Variants in SLC52A1 observed in about 807,000 individuals in gnomAD.
SLC52A1 encodes solute carrier family 52, riboflavin transporter, member 1.
Under a neutral mutation model 23.2 loss-of-function variants are expected in SLC52A1, and 20 were observed. The ratio of observed to expected loss-of-function variants is 0.86; its 90% CI spans 0.61 to 1.25. The LOEUF (loss-of-function observed/expected upper bound fraction) is 1.25, where lower values mean the gene tolerates loss of function less well. Ranked by LOEUF, SLC52A1 falls within the 50% of genes most tolerant of loss-of-function variation. The pLI, the probability that SLC52A1 is intolerant of heterozygous loss-of-function variation, is 0.00. For missense variants in SLC52A1, 528 were observed against 557.0 expected, an observed-to-expected ratio of 0.95 and a Z score of 0.52; for synonymous variants, 260 against 256.6, an observed-to-expected ratio of 1.01 and a Z score of -0.13.
In SLC52A1 at chr17:5,033,372, C is replaced by T. The variant is rs375892458; in HGVS notation, c.1023G>A (p.Gly341=). 49 of 1,614,014 alleles carry T rather than the reference C, an allele frequency of 3.0e-5. No homozygotes were observed. The highest frequency in any genetic ancestry group is 3.9e-5 in the Non-Finnish European group (46 of 1,180,008). ...AMGVLCRSLA[G]LVGLSLLGML... Reference sequence around the variant, plus strand: ...TGCCCAGCAGAGAAAGACCAACCAGCCCTGCCAGGGACCTGTTGGGGATGA... The same window carrying T: ...TGCCCAGCAGAGAAAGACCAACCAGTCCTGCCAGGGACCTGTTGGGGATGA... Residue 341 remains glycine, a synonymous_variant, in exon 4 of 5, where the codon GGG becomes GGA. Coordinates refer to ENST00000254853, the MANE Select transcript of SLC52A1 (RefSeq NM_017986.4).
chr17:5,037,255 C>A (rs1437449145), upstream of SLC52A1, among the ~76,000 whole-genome samples: 1 of 152,208 alleles, frequency 6.6e-6, no homozygotes, highest in Admixed American at 6.5e-5. Context: ...CGTGGTGGCT[C>A]ACGCCTGTAA....
At chr17:5,036,403 C>CT (rs34031349), upstream of SLC52A1, among the ~76,000 whole-genome samples, 6,104 of 59,124 alleles carry the variant, frequency 0.1, 1,640 homozygotes, top group East Asian at 0.36. Flanking sequence ...CTAATTTTTG[C>CT]TTTTTTTTTT....
In SLC52A1 at chr17:5,033,129, A is replaced by C; in HGVS notation, c.1175T>G (p.Val392Gly). 6.2e-7 allele frequency: 1 copy of C among 1,613,854 alleles called. No homozygotes were observed. ...WVLCLCVFSY[V>G]KVAASSLLHG... ...CAGCAGGGAGCTTGCAGCCACCTTC[A>C]CATATGAGAACACACACAGACACAG... The change falls in exon 5 of 5, where the codon GTG becomes GGG. Residue 392 changes from valine (V) to glycine (G), a missense_variant. Coordinates refer to ENST00000254853, the MANE Select transcript of SLC52A1 (RefSeq NM_017986.4).
chr17:5,033,983 C>A lies in SLC52A1; in HGVS notation c.506G>T (p.Arg169Leu). Residue 169 changes from arginine to leucine, a missense_variant, in exon 3 of 5, where the codon CGC (arginine) becomes CTC (leucine). Physicochemically the swap from Arg to Leu is moderately radical, Grantham distance 102 (BLOSUM62 -2). Coordinates refer to ENST00000254853, the MANE Select transcript of SLC52A1 (RefSeq NM_017986.4). ...CVLALVQGVG[R>L]LECPPAPTNG... ...GGTGGGCGCTGGTGGGCACTCGAGG[C>A]GGCCCACACCTTGCACTAGGGCCAG... The A allele has an allele frequency of 6.2e-7, 1 of 1,613,910 alleles. No homozygotes were observed. Among genetic ancestry groups the A allele is most frequent in the Non-Finnish European group, 8.5e-7 (1 of 1,179,874 alleles).
rs1386012219 is a variant in SLC52A1, at chr17:5,034,707, C to T, written c.-101G>A. 3 of 1,490,390 alleles carry T rather than the reference C, an allele frequency of 2.0e-6. No homozygotes were observed. Among genetic ancestry groups the T allele is most frequent in the Non-Finnish European group, 2.7e-6 (3 of 1,109,370 alleles). 92.3% of individuals were successfully genotyped at this position (1,490,390 alleles called of 1,614,324 possible). ...TTTGGTTCTTCTGGAAACTGAAGAC[C>T]TTCTAGCTGGAGGGAAACAGACAGG... On this transcript the variant is annotated 5_prime_UTR_variant, in exon 2 of 5. Transcript: ENST00000254853.
upstream of SLC52A1, among the ~76,000 whole-genome samples, chr17:5,039,346 A>G (rs1014469959): frequency 6.6e-6 from 1 of 151,588 alleles, no homozygotes; most frequent in Non-Finnish European, 1.5e-5. Context: ...AAATTCAGTC[A>G]CTTGTCCAAC....
chr17:5,033,772 T>C lies in SLC52A1; in HGVS notation c.717A>G (p.Gly239=), dbSNP rs142480426. The C allele has an allele frequency of 9.9e-6, 16 of 1,613,992 alleles. No individual in the cohort carries two copies. Among genetic ancestry groups the C allele is most frequent in the East Asian group, 2.2e-5 (1 of 44,880 alleles). The change falls in exon 3 of 5, where the codon GGA becomes GGG. Residue 239 remains glycine, a synonymous_variant. Coordinates refer to ENST00000254853, the MANE Select transcript of SLC52A1 (RefSeq NM_017986.4). ...SGPELQLGSP[G]AEEEEKEEEE... is the part of the protein sequence containing the mutation. ...CTTCCTCCTTCTCTTCCTCCTCTGC[T>C]CCTGGGGATCCCAGTTGAAGTTCAG...
At chr17:5,041,047 G>A (rs542825487) in intron 1 of SLC52A1, among the ~76,000 whole-genome samples, 6 of 151,712 alleles carry the variant, frequency 4.0e-5, no homozygotes, top group Non-Finnish European at 8.8e-5. Context: ...CACCCGCCTC[G>A]GCCTCCCAAA....
chr17:5,039,469 C>T (rs1050119447), upstream of SLC52A1, among the ~76,000 whole-genome samples: 1 of 152,108 alleles, frequency 6.6e-6, no homozygotes, highest in African/African-American at 2.4e-5. Flanking sequence ...CACCCTGCCA[C>T]TGCCTATCTG....
In SLC52A1 at chr17:5,035,087, C is replaced by T. The variant is rs1428817848; in HGVS notation, c.-334G>A. ...CTTTGGGAAGCTGAGGAAGGCAGAT[C>T]GCCTGAGGTCAGGAGATTGAGACCA... On this transcript the variant is annotated 5_prime_UTR_variant, in exon 1 of 5. Coordinates refer to ENST00000254853, the MANE Select transcript of SLC52A1 (RefSeq NM_017986.4). 1.8e-5 allele frequency: 3 copies of T among 164,990 alleles called. No individual in the cohort carries two copies. The highest frequency in any genetic ancestry group is 4.8e-5 in the African/African-American group (2 of 41,834). 10.2% of individuals were successfully genotyped at this position (164,990 alleles called of 1,614,324 possible). A position where few individuals can be genotyped will look rare whatever the true frequency, so the allele number is the denominator to read the frequency against.
rs756642823 is a variant in SLC52A1, at chr17:5,034,476, C to A, written c.130+1G>T. The A allele has an allele frequency of 4.3e-6, 7 of 1,614,240 alleles. No homozygotes were observed. Among genetic ancestry groups the A allele is most frequent in the Non-Finnish European group, 5.9e-6 (7 of 1,180,032 alleles). ...CTTCCCTGTACCTCCCTCCCACTCACCCTCTGGAAGGTCTTTTACCACCAC... is the reference window on the plus strand; with the variant it reads ...CTTCCCTGTACCTCCCTCCCACTCAACCTCTGGAAGGTCTTTTACCACCAC... On this transcript the variant is annotated splice_donor_variant, in intron 2 of 4. Transcript: ENST00000254853. LOFTEE classifies it high-confidence loss of function.
rs1451636297 is a variant in SLC52A1, at chr17:5,033,039, C to T, written c.1265G>A (p.Gly422Asp). The part of the protein sequence containing the change: ...GVAIQVGSLL[G>D]AGAMFPPTSI... ...GGTGGGAGGGAACATGGCACCGGCA[C>T]CAAGCAGGGAGCCCACTTGGATGGC... Residue 422 changes from glycine to aspartate, a missense_variant, in exon 5 of 5, where the codon GGT (glycine) becomes GAT (aspartate). Coordinates refer to ENST00000254853, the MANE Select transcript of SLC52A1 (RefSeq NM_017986.4). 1 of 1,613,668 alleles carries T rather than the reference C, an allele frequency of 6.2e-7. No homozygotes were observed. Among genetic ancestry groups the T allele is most frequent in the South Asian group, 1.1e-5 (1 of 91,080 alleles).
At position 5,034,522 on chromosome 17, in the gene SLC52A1, C is replaced by T. The variant is rs199742635; in HGVS notation, c.85G>A (p.Gly29Arg). Residue 29 changes from glycine (G) to arginine (R), a missense_variant, in exon 2 of 5, where the codon GGG becomes AGG. Transcript: ENST00000254853. ...FGMGSWAAVN[G>R]IWVELPVVVK... Reference sequence around the variant, plus strand: ...ACCACAGGCAGCTCCACCCAGATCCCGTTCACAGCAGCCCAGGAGCCCATG... The same window carrying T: ...ACCACAGGCAGCTCCACCCAGATCCTGTTCACAGCAGCCCAGGAGCCCATG... 2.0e-5 allele frequency: 33 copies of T among 1,614,210 alleles called. No individual in the cohort carries two copies. The highest frequency in any genetic ancestry group is 2.6e-5 in the Non-Finnish European group (31 of 1,180,034).
upstream of SLC52A1, among the ~76,000 whole-genome samples, chr17:5,035,681 GT>G (rs373073872): frequency 2.0e-5 from 3 of 152,118 alleles, no homozygotes; most frequent in African/African-American, 4.8e-5. Flanking sequence ...GGGTTTTGTT[GT>G]TTGTTGTTTT....
upstream of SLC52A1, among the ~76,000 whole-genome samples, chr17:5,037,743 C>A (rs960639116): frequency 6.6e-6 from 1 of 152,040 alleles, no homozygotes; most frequent in African/African-American, 2.4e-5. Flanking sequence ...TGTACGTTTG[C>A]GCGGAGGAGG....
rs757674358 is a variant in SLC52A1, at chr17:5,033,569, G to A, written c.920C>T (p.Pro307Leu). Residue 307 changes from proline to leucine, a missense_variant, in exon 3 of 5, where the codon CCC (proline) becomes CTC (leucine). By Grantham distance (98) the Pro-to-Leu change is moderately conservative (BLOSUM62 -3). Transcript: ENST00000254853. ...CAGGTGGTAGGCCAGGCGCCCATAG[G>A]GCAAACAGGAAAAGCTCTGCACAGA... ...LPSVQSFSCL[P>L]YGRLAYHLAV... 6 of 1,613,920 alleles carry A rather than the reference G, an allele frequency of 3.7e-6. No individual in the cohort carries two copies. Among genetic ancestry groups the A allele is most frequent in the Non-Finnish European group, 5.1e-6 (6 of 1,180,000 alleles).
At chr17:5,040,183 CTTTTTTT>C (rs34556684), upstream of SLC52A1, among the ~76,000 whole-genome samples, 4,547 of 151,840 alleles carry the variant, frequency 0.03, 210 homozygotes, top group African/African-American at 0.1. Flanking sequence ...TCTTTTCCTT[CTTTTTTT>C]TGAGACAGGG....
At chr17:5,035,540 G>A (rs1449749970), upstream of SLC52A1, 3 of 152,198 alleles carry the variant, frequency 2.0e-5, no homozygotes, top group Admixed American at 1.3e-4. Context: ...GGGGCATCCC[G>A]GGAGCCGCCA....
In SLC52A1 at chr17:5,034,499, C is replaced by G; in HGVS notation, c.108G>C (p.Val36=). The G allele has an allele frequency of 6.2e-7, 1 of 1,614,244 alleles. No individual in the cohort carries two copies. The highest frequency in any genetic ancestry group is 8.5e-7 in the Non-Finnish European group (1 of 1,180,050). The change falls in exon 2 of 5, where the codon GTG becomes GTC. Residue 36 remains valine, a synonymous_variant. Transcript: ENST00000254853. The stretch of plus-strand genomic sequence containing the variant: ...CACCCTCTGGAAGGTCTTTTACCAC[C>G]ACAGGCAGCTCCACCCAGATCCCGT... ...AVNGIWVELP[V]VVKDLPEGWS...
Sources: allele counts gnomAD v4.1 joint callset (sites outside exome capture counted in the v4.1 genomes callset), GRCh38; gene constraint gnomAD v4.1.1; transcripts MANE v1.5; gene names NCBI Gene and HGNC (gene_info 2026-07-23, HGNC 2026-07-21).